The following TRPS1 variants were observed in gnomAD, a reference collection of about 807,000 sequenced individuals.
TRPS1 encodes zinc finger transcription factor Trps1.
In TRPS1, 6 loss-of-function variants were observed where a neutral mutation model predicts 101.2. That is an observed-to-expected ratio of 0.06 (90% confidence interval 0.03 to 0.12). TRPS1 has a LOEUF of 0.12. Among genes scored for constraint, TRPS1 ranks in the 10% least tolerant of loss-of-function variants. The probability of loss-of-function intolerance (pLI) is 1.00; values close to 1 mark genes in which losing one functional copy is unlikely to be tolerated. For missense variants in TRPS1, 1,363 were observed against 1,567.0 expected (o/e 0.87, Z 2.20); for synonymous variants, 578 against 589.8 (o/e 0.98, Z 0.29).
intron 5 of TRPS1, among the ~76,000 whole-genome samples, chr8:115,500,181 C>T (rs1031978180): frequency 6.6e-6 from 1 of 151,972 alleles, no homozygotes; most frequent in Non-Finnish European, 1.5e-5. Context: ...AGGCACGCAG[C>T]ACCACGCCCG....
intron 1 of TRPS1, among the ~76,000 whole-genome samples, chr8:115,640,219 A>G (rs1818864160): frequency 6.6e-6 from 1 of 152,202 alleles, no homozygotes; most frequent in African/African-American, 2.4e-5. Context: ...TGGATTATTA[A>G]TTTTATGTAC....
intron 5 of TRPS1, among the ~76,000 whole-genome samples, chr8:115,567,780 C>G (rs1332214965): frequency 1.3e-5 from 2 of 152,106 alleles, no homozygotes; most frequent in African/African-American, 2.4e-5. Flanking sequence ...ATTTCTGTCC[C>G]TAACGTGCAA....
chr8:115,538,034 A>G (rs985037857), intron 5 of TRPS1, among the ~76,000 whole-genome samples: 2 of 152,216 alleles, frequency 1.3e-5, no homozygotes, highest in African/African-American at 4.8e-5. Flanking sequence ...TACTTAACTT[A>G]GTGGTACAAA....
At chr8:115,590,691 T>G (rs950899603) in intron 4 of TRPS1, among the ~76,000 whole-genome samples, 1 of 152,242 alleles carries the variant, frequency 6.6e-6, no homozygotes, top group Admixed American at 6.5e-5. Flanking sequence ...ACTTTGGCTC[T>G]GTATTCTACA....
chr8:115,427,979 C>G (rs533749637), intron 5 of TRPS1, among the ~76,000 whole-genome samples: 1 of 152,148 alleles, frequency 6.6e-6, no homozygotes, highest in Non-Finnish European at 1.5e-5. Context: ...CCTCTCATAG[C>G]GCCTGCTACA....
chr8:115,666,689 T>C (rs757178665), intron 1 of TRPS1, among the ~76,000 whole-genome samples: 39 of 152,214 alleles, frequency 2.6e-4, no homozygotes, highest in Non-Finnish European at 4.9e-4. Flanking sequence ...GCAAGATCCA[T>C]AGGTTTTAGC....
At chr8:115,585,687 C>T (rs1260113969) in intron 5 of TRPS1, among the ~76,000 whole-genome samples, 1 of 152,108 alleles carries the variant, frequency 6.6e-6, no homozygotes, top group South Asian at 2.1e-4. Context: ...TAAATTGAAC[C>T]CCCTCTTGAA....
chr8:115,579,889 C>T (rs1044815963), intron 5 of TRPS1, among the ~76,000 whole-genome samples: 4 of 148,848 alleles, frequency 2.7e-5, no homozygotes, highest in Non-Finnish European at 5.9e-5. Flanking sequence ...ATGCCAAACG[C>T]TCAATTTATC....
intron 5 of TRPS1, among the ~76,000 whole-genome samples, chr8:115,553,640 G>A (rs1816752415): frequency 6.6e-6 from 1 of 152,070 alleles, no homozygotes; most frequent in African/African-American, 2.4e-5. Context: ...GAATTATTTA[G>A]GAGAATGTAA....
chr8:115,663,564 T>C (rs908708650), intron 1 of TRPS1, among the ~76,000 whole-genome samples: 2 of 151,942 alleles, frequency 1.3e-5, no homozygotes, highest in African/African-American at 4.8e-5. Context: ...GAACGACAAG[T>C]GTATCCTTAA....
intron 3 of TRPS1, among the ~76,000 whole-genome samples, chr8:115,607,386 G>A (rs1370095194): frequency 1.3e-5 from 2 of 151,052 alleles, no homozygotes; most frequent in Non-Finnish European, 2.9e-5. Context: ...TATAAAAAAC[G>A]AGTTAGGTCT....
At position 115,408,563 on chromosome 8, in the gene TRPS1, T is replaced by C. The variant is rs1224151831; in HGVS notation, c.*5460A>G. The C allele has an allele frequency of 6.6e-6, 1 of 150,838 alleles. No homozygotes were observed. The highest frequency in any genetic ancestry group is 2.4e-5 in the African/African-American group (1 of 41,020). The allele number at this position is 150,838 out of a possible 1,614,324, so 9.3% of individuals were successfully genotyped here. On this transcript the variant is annotated 3_prime_UTR_variant, in exon 7 of 7. Coordinates refer to ENST00000395715, the MANE Select transcript of TRPS1 (RefSeq NM_014112.5). ...AACAGACATCTTTGCTGCCTGAAGA[T>C]TGTTTGCATAAGAAATACACCAAGA...
At chr8:115,582,241 T>A (rs1406959144) in intron 5 of TRPS1, among the ~76,000 whole-genome samples, 1 of 152,166 alleles carries the variant, frequency 6.6e-6, no homozygotes, top group Admixed American at 6.5e-5. Context: ...TGAATATCAC[T>A]TTTCACTTCA....
intron 5 of TRPS1, among the ~76,000 whole-genome samples, chr8:115,545,625 T>C (rs1337378177): frequency 2.6e-5 from 4 of 152,154 alleles, no homozygotes; most frequent in Non-Finnish European, 5.9e-5. Context: ...CCTATACTAT[T>C]TACTGTACTT....
intron 4 of TRPS1, among the ~76,000 whole-genome samples, chr8:115,595,367 T>C (rs1817762944): frequency 6.6e-6 from 1 of 151,904 alleles, no homozygotes; most frequent in Non-Finnish European, 1.5e-5. Flanking sequence ...AGATGGATTA[T>C]TAGGTCAGTC....
chr8:115,668,000 A>T, intron 1 of TRPS1: 1 of 1,159,414 alleles, frequency 8.6e-7, no homozygotes, highest in African/African-American at 1.5e-5. Context: ...GCCCGGTAGG[A>T]GAGAATTAAA....
intron 1 of TRPS1, among the ~76,000 whole-genome samples, chr8:115,633,556 T>C (rs185438518): frequency 6.6e-6 from 1 of 152,282 alleles, no homozygotes; most frequent in Admixed American, 6.5e-5. Context: ...ATTTCCCCAG[T>C]TGGTTTTCAC....
chr8:115,641,705 C>T (rs953911626), intron 1 of TRPS1, among the ~76,000 whole-genome samples: 1 of 152,076 alleles, frequency 6.6e-6, no homozygotes, highest in African/African-American at 2.4e-5. Context: ...CATGGTGAAA[C>T]CCCATCTCTA....
At chr8:115,449,231 T>C (rs1375035647) in intron 5 of TRPS1, among the ~76,000 whole-genome samples, 1 of 152,196 alleles carries the variant, frequency 6.6e-6, no homozygotes, top group African/African-American at 2.4e-5. Context: ...CTATTCTAGG[T>C]CCATTTGTAT....
Sources: gnomAD v4.1 joint callset for allele counts (sites outside exome capture counted in the v4.1 genomes callset) on GRCh38, gnomAD v4.1.1 for gene constraint, MANE v1.5 for transcripts, NCBI Gene and HGNC (gene_info 2026-07-23, HGNC 2026-07-21) for gene names.